The following SAMD3 variants were observed in gnomAD, a reference collection of about 807,000 sequenced individuals.
SAMD3 encodes the protein sterile alpha motif domain-containing protein 3.
SAMD3 carries 63 observed loss-of-function variants against 58.5 expected under a neutral mutation model. The observed-to-expected ratio is 1.08, with a 90% CI of 0.88 to 1.33. SAMD3 has a LOEUF of 1.33. SAMD3 is among the 40% of genes most tolerant of loss of function. SAMD3 has a pLI of 0.00. For synonymous variants in SAMD3, 220 were observed against 210.3 expected, an observed-to-expected ratio of 1.05 and a Z score of -0.40; for missense variants, 604 against 608.4, an observed-to-expected ratio of 0.99 and a Z score of 0.08.
At chr6:130,210,272 C>T (rs1050268240) in intron 4 of SAMD3, among the ~76,000 whole-genome samples, 1 of 152,186 alleles carries the variant, frequency 6.6e-6, no homozygotes, top group Non-Finnish European at 1.5e-5. Flanking sequence ...GCTAAATATC[C>T]TGCCCAGATG....
upstream of SAMD3, among the ~76,000 whole-genome samples, chr6:130,224,794 A>G (rs1796342976): frequency 6.6e-6 from 1 of 151,284 alleles, no homozygotes; most frequent in Admixed American, 6.6e-5. Context: ...AAGTTTTTGT[A>G]TTTTTAGTAG....
chr6:130,343,207 G>A (rs1777324048), intron 1 of SAMD3, among the ~76,000 whole-genome samples: 1 of 151,766 alleles, frequency 6.6e-6, no homozygotes, highest in South Asian at 2.1e-4. Context: ...TTCACTGAAA[G>A]CTCGGACATT....
rs141904490 is a variant in SAMD3, at chr6:130,175,945, C to A, written c.718G>T (p.Glu240Ter). 6 of 1,613,262 alleles carry A rather than the reference C, an allele frequency of 3.7e-6. No individual in the cohort carries two copies. In the African/African-American group the frequency reaches 5.3e-5, roughly 14 times the overall value. ...TTACACTTATTTCTAATCACTTGCT[C>A]ATCATCTTCTATGGGTCTTCGAACA... ...KYVRRPIEDD[E>*]QVIRNKCKFG... Residue 240 changes from glutamate to a stop codon, truncating the protein, a stop_gained, in exon 8 of 12, where the codon GAG (glutamate) becomes TAG (stop). Transcript: ENST00000439090. LOFTEE classifies it high-confidence loss of function.
At chr6:130,264,780 T>C (rs2114927731) in intron 2 of SAMD3, among the ~76,000 whole-genome samples, 1 of 152,020 alleles carries the variant, frequency 6.6e-6, no homozygotes, top group Non-Finnish European at 1.5e-5. Flanking sequence ...TTTTCATGAG[T>C]TAAAAGAAAA....
At chr6:130,145,805 T>TC (rs1214377944) in intron 10 of SAMD3, among the ~76,000 whole-genome samples, 2 of 152,000 alleles carry the variant, frequency 1.3e-5, no homozygotes, top group African/African-American at 4.8e-5. Flanking sequence ...TTCTTTTTTT[T>TC]CCCCACCAGT....
At chr6:130,258,616 A>G in intron 2 of SAMD3, among the ~76,000 whole-genome samples, 1 of 152,172 alleles carries the variant, frequency 6.6e-6, no homozygotes, top group East Asian at 1.9e-4. Flanking sequence ...TATCACACAC[A>G]AAAGAGTCTT....
intron 2 of SAMD3, among the ~76,000 whole-genome samples, chr6:130,302,700 C>T (rs1038655206): frequency 2.0e-5 from 3 of 152,008 alleles, no homozygotes; most frequent in Non-Finnish European, 2.9e-5. Context: ...GTGGTGGGTT[C>T]GACAAGGAAA....
At chr6:130,242,543 A>C (rs974915144) in intron 2 of SAMD3, among the ~76,000 whole-genome samples, 13 of 152,236 alleles carry the variant, frequency 8.5e-5, no homozygotes, top group African/African-American at 3.1e-4. Flanking sequence ...CAGGTAATAC[A>C]TTAGATGATG....
intron 9 of SAMD3, among the ~76,000 whole-genome samples, chr6:130,151,807 G>C (rs2114569844): frequency 6.6e-6 from 1 of 152,198 alleles, no homozygotes; most frequent in East Asian, 1.9e-4. Flanking sequence ...AAGAGATGAT[G>C]ATTGAAATTG....
chr6:130,207,199 A>T (rs1224983621), intron 5 of SAMD3, among the ~76,000 whole-genome samples: 1 of 151,560 alleles, frequency 6.6e-6, no homozygotes, highest in Non-Finnish European at 1.5e-5. Context: ...AAAAAAAAAG[A>T]CCTACAGGTA....
intron 1 of SAMD3, among the ~76,000 whole-genome samples, chr6:130,349,727 A>T (rs933881594): frequency 6.6e-6 from 1 of 152,256 alleles, no homozygotes; most frequent in African/African-American, 2.4e-5. Flanking sequence ...TTATGAGGCC[A>T]GCATCATCTT....
At chr6:130,254,095 T>G (rs887647758) in intron 2 of SAMD3, among the ~76,000 whole-genome samples, 1 of 151,984 alleles carries the variant, frequency 6.6e-6, no homozygotes, top group African/African-American at 2.4e-5. Context: ...CTGGGCTCAC[T>G]TGATTTGCCT....
At chr6:130,352,844 G>A (rs1026071647) in intron 1 of SAMD3, among the ~76,000 whole-genome samples, 2 of 152,126 alleles carry the variant, frequency 1.3e-5, no homozygotes, top group Non-Finnish European at 2.9e-5. Context: ...TTATATTAAT[G>A]AGCTTTAGCT....
chr6:130,180,990 TG>T (rs1016859369), intron 7 of SAMD3, among the ~76,000 whole-genome samples: 13 of 146,514 alleles, frequency 8.9e-5, no homozygotes, highest in African/African-American at 3.1e-4. Context: ...TCTTGTTACC[TG>T]GGCTGGAGTG....
At chr6:130,290,967 C>T (rs1775341358) in intron 2 of SAMD3, among the ~76,000 whole-genome samples, 8 of 152,202 alleles carry the variant, frequency 5.3e-5, no homozygotes, top group Admixed American at 5.2e-4. Flanking sequence ...CCTGGATTTA[C>T]CGAAACAGTC....
In SAMD3 at chr6:130,164,442, T is replaced by C. The variant is rs1181477082; in HGVS notation, c.823-9417A>G. 3.3e-5 allele frequency among the ~76,000 whole-genome samples: 5 copies of C among 152,304 alleles called. No individual in the cohort carries two copies. In the East Asian group the frequency reaches 9.6e-4, roughly 29 times the overall value. ...AAAGATAGTACAAGGACACAGATTGTAAAACCACAAGGGAGGATGGTAGGA... is the reference window on the plus strand; with the variant it reads ...AAAGATAGTACAAGGACACAGATTGCAAAACCACAAGGGAGGATGGTAGGA... On this transcript the variant is annotated intron_variant, in intron 8 of 11. Transcript: ENST00000439090.
At chr6:130,364,974 A>C (rs1056680975) in intron 1 of SAMD3, 2 of 155,364 alleles carry the variant, frequency 1.3e-5, no homozygotes, top group African/African-American at 5.0e-5. Flanking sequence ...AAACAAATAC[A>C]CTGCACCAGA....
chr6:130,364,283 CTT>C (rs1778067437), intron 1 of SAMD3, among the ~76,000 whole-genome samples: 1 of 152,054 alleles, frequency 6.6e-6, no homozygotes, highest in African/African-American at 2.4e-5. Context: ...TCATCAGTCT[CTT>C]TTTGAGGACG....
chr6:130,206,192 G>A (rs1005071608), intron 5 of SAMD3, among the ~76,000 whole-genome samples: 19 of 152,162 alleles, frequency 1.2e-4, no homozygotes, highest in Admixed American at 1.2e-3. Context: ...CCTGATTCAC[G>A]CTGGGCCCAT....
Sources: gnomAD v4.1 joint callset for allele counts (sites outside exome capture counted in the v4.1 genomes callset) on GRCh38, gnomAD v4.1.1 for gene constraint, MANE v1.5 for transcripts, NCBI Gene and HGNC (gene_info 2026-07-23, HGNC 2026-07-21) for gene names.